The following PSEN1 variants were observed in gnomAD, a reference collection of about 807,000 sequenced individuals.
The protein encoded by PSEN1 is presenilin-1.
Under a neutral mutation model 53.5 loss-of-function variants are expected in PSEN1, and 15 were observed. That is an observed-to-expected ratio of 0.28 (90% CI 0.19 to 0.43). PSEN1 has a LOEUF of 0.43. PSEN1 is among the 20% of genes least tolerant of loss of function. The pLI is 1.00. For synonymous variants in PSEN1, 208 were observed against 209.8 expected, an observed-to-expected ratio of 0.99 and a Z score of 0.08; for missense variants, 387 against 571.2, an observed-to-expected ratio of 0.68 and a Z score of 3.29.
chr14:73,151,878 T>A (rs1007808793), intron 3 of PSEN1, among the ~76,000 whole-genome samples: 12 of 56,924 alleles, frequency 2.1e-4, no homozygotes, highest in African/African-American at 7.3e-4. Context: ...CTAAAATATT[T>A]TATATATATA....
intron 8 of PSEN1, among the ~76,000 whole-genome samples, chr14:73,202,073 C>G (rs1248721176): frequency 6.6e-6 from 1 of 151,946 alleles, no homozygotes; most frequent in East Asian, 1.9e-4. Flanking sequence ...TGAGGTAAGT[C>G]TTGCTCTGTT....
At chr14:73,166,062 A>AATG (rs1897706127) in intron 3 of PSEN1, among the ~76,000 whole-genome samples, 2 of 151,490 alleles carry the variant, frequency 1.3e-5, no homozygotes, top group Admixed American at 1.3e-4. Flanking sequence ...TAATAATAAT[A>AATG]ATAATAATAA....
chr14:73,198,258 G>A, intron 8 of PSEN1, 129 bp downstream of exon 8: 1 of 669,484 alleles, frequency 1.5e-6, no homozygotes, highest in Admixed American at 2.3e-5. Flanking sequence ...TGGAACTCCT[G>A]CAGATCTCTT....
intron 5 of PSEN1, among the ~76,000 whole-genome samples, chr14:73,185,334 G>A (rs1362513031): frequency 5.9e-5 from 9 of 152,214 alleles, no homozygotes; most frequent in South Asian, 2.1e-4. Flanking sequence ...CTGAGTGAAC[G>A]AGACTCCGTC....
intron 3 of PSEN1, among the ~76,000 whole-genome samples, chr14:73,157,536 A>G (rs1270319764): frequency 6.6e-6 from 1 of 152,174 alleles, no homozygotes; most frequent in African/African-American, 2.4e-5. Flanking sequence ...ATATATATGT[A>G]TACTCTTGAA....
At chr14:73,184,031 G>A (rs1322150582) in intron 5 of PSEN1, among the ~76,000 whole-genome samples, 3 of 131,964 alleles carry the variant, frequency 2.3e-5, no homozygotes, top group Admixed American at 1.4e-4. Flanking sequence ...CCTCCCGGAC[G>A]GGGCGGCTGG....
intron 8 of PSEN1, among the ~76,000 whole-genome samples, chr14:73,204,886 TAA>T (rs1025534340): frequency 6.6e-6 from 1 of 152,032 alleles, no homozygotes; most frequent in Non-Finnish European, 1.5e-5. Flanking sequence ...AAAATGAAGA[TAA>T]AAAACTAATC....
intron 3 of PSEN1, among the ~76,000 whole-genome samples, chr14:73,157,614 A>C (rs1897397504): frequency 6.6e-6 from 1 of 151,898 alleles, no homozygotes; most frequent in Admixed American, 6.6e-5. Context: ...TTTTGTTGTA[A>C]TCTCTCCTTC....
chr14:73,159,686 T>C (rs1897470221), intron 3 of PSEN1, among the ~76,000 whole-genome samples: 1 of 152,204 alleles, frequency 6.6e-6, no homozygotes, highest in Non-Finnish European at 1.5e-5. Flanking sequence ...GCTGTTCTCA[T>C]GGGGAGGCTT....
chr14:73,173,743 G>C (rs199723458), intron 5 of PSEN1, 36 bp downstream of exon 5: 20 of 1,609,364 alleles, frequency 1.2e-5, no homozygotes, highest in Admixed American at 1.7e-5. Context: ...TTTCCACCCT[G>C]TTCTTCTTAT....
intron 6 of PSEN1, among the ~76,000 whole-genome samples, chr14:73,188,888 A>G (rs1277727852): frequency 6.6e-6 from 1 of 152,104 alleles, no homozygotes; most frequent in African/African-American, 2.4e-5. Context: ...TCCTGGGTTC[A>G]AGCGATTCTC....
intron 3 of PSEN1, among the ~76,000 whole-genome samples, chr14:73,160,994 C>T (rs867559350): frequency 3.5e-4 from 39 of 111,160 alleles, no homozygotes; most frequent in African/African-American, 1.2e-3. Flanking sequence ...TTTTTCGATA[C>T]AAGGTTTTAC....
At chr14:73,197,776 T>C (rs1899014088) in intron 7 of PSEN1, 1 of 491,754 alleles carries the variant, frequency 2.0e-6, no homozygotes, top group East Asian at 3.8e-5. Flanking sequence ...AACGATACAC[T>C]GTACACTAAG....
rs1882688010 is a variant in PSEN1, at chr14:73,223,377, GA to G, written c.*4091del. 6.6e-6 allele frequency: 1 copy of G among 152,254 alleles called. No homozygotes were observed. The highest frequency in any genetic ancestry group is 1.5e-5 in the Non-Finnish European group (1 of 68,056). 9.4% of individuals were successfully genotyped at this position (152,254 alleles called of 1,614,324 possible). On this transcript the variant is annotated 3_prime_UTR_variant, in exon 12 of 12. Transcript: ENST00000324501. ...TCTGTGTAGCAGGGACGATTTCCCA[GA>G]AAGCAATTTTCCTTTTGAAATACGT...
intron 3 of PSEN1, among the ~76,000 whole-genome samples, chr14:73,166,331 A>T (rs193003623): frequency 2.0e-5 from 3 of 152,290 alleles, no homozygotes; most frequent in Admixed American, 2.0e-4. Context: ...GGTGCCATAG[A>T]AAGAAAACAA....
In PSEN1 at chr14:73,151,974, C is replaced by T. The variant is rs568930445; in HGVS notation, c.87+3868C>T. On this transcript the variant is annotated intron_variant, in intron 3 of 11. Coordinates refer to ENST00000324501, the MANE Select transcript of PSEN1 (RefSeq NM_000021.4). ...TTGCCCAGGCTGGAGTGCAGTGGCA[C>T]GATCTCGGCTCACTGCAAGTTCTGC... 1.7e-3 allele frequency among the ~76,000 whole-genome samples: 203 copies of T among 121,824 alleles called. 1 individual carries two copies. Among genetic ancestry groups the T allele is most frequent in the African/African-American group, 5.7e-3 (181 of 31,712 alleles). The allele number at this position is 121,824 out of a possible 152,430, so 79.9% of individuals were successfully genotyped here. A position where few individuals can be genotyped will look rare whatever the true frequency, so the allele number is the denominator to read the frequency against.
At chr14:73,168,116 G>A (rs1273109494) in intron 3 of PSEN1, 1 of 152,156 alleles carries the variant, frequency 6.6e-6, no homozygotes, top group Non-Finnish European at 1.5e-5. Context: ...AGCACTTTGG[G>A]AGACCGAGGC....
chr14:73,173,134 G>C (rs1386095017), intron 4 of PSEN1, among the ~76,000 whole-genome samples: 2 of 152,162 alleles, frequency 1.3e-5, no homozygotes, highest in Admixed American at 1.3e-4. Flanking sequence ...GACAACTCCA[G>C]TTGCAATTAC....
intron 1 of PSEN1, among the ~76,000 whole-genome samples, chr14:73,138,966 AG>A (rs1896833179): frequency 7.4e-6 from 1 of 135,694 alleles, no homozygotes; most frequent in African/African-American, 2.8e-5. Context: ...GACTCTGTCA[AG>A]AAAAAAAGAA....
Sources: gnomAD v4.1 joint callset for allele counts (sites outside exome capture counted in the v4.1 genomes callset) on GRCh38, gnomAD v4.1.1 for gene constraint, MANE v1.5 for transcripts, NCBI Gene and HGNC (gene_info 2026-07-23, HGNC 2026-07-21) for gene names.